DAAM2: variants seen among roughly 807,000 people sequenced by gnomAD.
The protein encoded by DAAM2 is disheveled-associated activator of morphogenesis 2.
A neutral mutation model predicts 120.7 loss-of-function variants in DAAM2; 39 were observed. The ratio of observed to expected loss-of-function variants is 0.32; its 90% CI spans 0.25 to 0.42. The LOEUF is 0.42. DAAM2 is among the 10% of genes least tolerant of loss of function. DAAM2 has a pLI of 1.00. For missense variants in DAAM2, 1,283 were observed against 1,401.7 expected (o/e 0.92, Z 1.35); for synonymous variants, 488 against 524.9 (o/e 0.93, Z 0.96).
rs1562045151 is a variant in DAAM2 at position 39,875,431 on chromosome 6, C to G, written c.1264C>G (p.Pro422Ala). ...GCGGGGTGTGGACCCTGACCTGGCT[C>G]CCTTGGAGAACTTCAATGTCAAGAA... ...DERGVDPDLAPLENFNVKNIV... is the reference protein window; with the variant it reads ...DERGVDPDLAALENFNVKNIV... Residue 422 changes from proline to alanine, a missense_variant, in exon 11 of 25, where the codon CCC (proline) becomes GCC (alanine). Physicochemically the swap from Pro to Ala is conservative, Grantham distance 27. This residue lies in a region of DAAM2 where 338 missense variants were observed against 443.9 expected (regional missense o/e 0.76). Coordinates refer to ENST00000274867, the MANE Select transcript of DAAM2 (RefSeq NM_001201427.2). The G allele has an allele frequency of 6.2e-7, 1 of 1,613,926 alleles. No individual in the cohort carries two copies.
chr6:39,879,694 T>C lies in DAAM2; in HGVS notation c.1845+217T>C, dbSNP rs575964706. 448 of 631,264 alleles carry C rather than the reference T, an allele frequency of 7.1e-4. 1 individual carries two copies. Among genetic ancestry groups the C allele is most frequent in the South Asian group, 2.1e-3 (113 of 54,274 alleles). 39.1% of individuals were successfully genotyped at this position (631,264 alleles called of 1,614,324 possible). On this transcript the variant is annotated intron_variant, in intron 14 of 24. Transcript: ENST00000274867. ...AGAGATGCTTGACATTGGGCAATGC[T>C]GACGTTGACAAAGTCATCTACAAAT...
At chr6:39,841,779 A>G (rs1007868324) in intron 1 of DAAM2, among the ~76,000 whole-genome samples, 1 of 152,126 alleles carries the variant, frequency 6.6e-6, no homozygotes, top group Non-Finnish European at 1.5e-5. Context: ...GACTGTTCTC[A>G]GGGCTTGAGG....
intron 1 of DAAM2, among the ~76,000 whole-genome samples, chr6:39,801,406 T>C (rs1561992598): frequency 6.6e-6 from 1 of 152,068 alleles, no homozygotes; most frequent in African/African-American, 2.4e-5. Flanking sequence ...GGAAGCATAA[T>C]GAGATGGCCT....
chr6:39,860,885 C>T, intron 2 of DAAM2, 43 bp from the exon 3 acceptor site: 3 of 1,492,402 alleles, frequency 2.0e-6, no homozygotes, highest in African/African-American at 2.8e-5. Flanking sequence ...CTAATCTCAA[C>T]CATCCCTAGT....
At chr6:39,841,420 G>A (rs560910161) in intron 1 of DAAM2, among the ~76,000 whole-genome samples, 138 of 151,906 alleles carry the variant, frequency 9.1e-4, no homozygotes, top group African/African-American at 3.0e-3. Flanking sequence ...GGTGGGGGAG[G>A]GCCTCCAGAG....
At chr6:39,820,551 T>C (rs1477447627) in intron 1 of DAAM2, 1 of 152,210 alleles carries the variant, frequency 6.6e-6, no homozygotes, top group Non-Finnish European at 1.5e-5. Context: ...GAGTGAGAGA[T>C]AGAAGGTGGG....
intron 1 of DAAM2, chr6:39,848,445 A>G (rs953798024): frequency 2.6e-5 from 4 of 152,144 alleles, no homozygotes; most frequent in African/African-American, 9.7e-5. Flanking sequence ...ATTTCTCAAA[A>G]TGAGAAAAAC....
intron 19 of DAAM2, among the ~76,000 whole-genome samples, chr6:39,892,036 A>C (rs1306349016): frequency 6.6e-6 from 1 of 152,184 alleles, no homozygotes; most frequent in Non-Finnish European, 1.5e-5. Context: ...CCACACCTAC[A>C]ACAGTGCCTG....
rs1481563399 is a variant in DAAM2, at chr6:39,871,515, C to T, written c.987C>T (p.Asp329=). 3.9e-6 allele frequency: 6 copies of T among 1,551,550 alleles called. No homozygotes were observed. Among genetic ancestry groups the T allele is most frequent in the Non-Finnish European group, 5.2e-6 (6 of 1,147,026 alleles). The change falls in exon 9 of 25, where the codon GAC becomes GAT. Residue 329 remains aspartate (D), a synonymous_variant. Transcript: ENST00000274867. ...HENAILDKHL[D]FFEMVRNEDD... is the part of the protein sequence containing the mutation. ...TCCCCATTCTGTCTAGACATTTAGA[C>T]TTCTTCGAGATGGTGCGGAATGAGG... is the stretch of plus-strand genomic sequence containing the variant.
Position 39,904,634 on chromosome 6 carries a change from G to T in DAAM2, c.*2597G>T, listed in dbSNP as rs945046220. 2 of 454,104 alleles carry T rather than the reference G, an allele frequency of 4.4e-6. No homozygotes were observed. Among genetic ancestry groups the T allele is most frequent in the Non-Finnish European group, 8.8e-6 (2 of 226,844 alleles). 28.1% of individuals were successfully genotyped at this position (454,104 alleles called of 1,614,324 possible). On this transcript the variant is annotated 3_prime_UTR_variant, in exon 25 of 25. Transcript: ENST00000274867. ...AAATTCTCCAGGTGAATGGGGAAGG[G>T]TCTGTTCCAGCCTCTCCCTACTCCC... is the stretch of plus-strand genomic sequence containing the variant.
rs565630899 is a variant in DAAM2 at position 39,840,435 on chromosome 6, G to C, written c.-56-15812G>C. Among the ~76,000 whole-genome samples, 6 of 152,308 alleles carry C rather than the reference G, an allele frequency of 3.9e-5. No individual in the cohort carries two copies. The East Asian group carries it at 9.6e-4, about 24-fold the overall frequency. ...GTACATATAAAATACCTGGCATATA[G>C]CAGTATTTAAGACAAAGGAAGAGTT... On this transcript the variant is annotated intron_variant, in intron 1 of 24. Coordinates refer to ENST00000274867, the MANE Select transcript of DAAM2 (RefSeq NM_001201427.2).
At position 39,901,246 on chromosome 6, in the gene DAAM2, C is replaced by A; in HGVS notation, c.2812-56C>A. 2 of 1,534,740 alleles carry A rather than the reference C, an allele frequency of 1.3e-6. No homozygotes were observed. The highest frequency in any genetic ancestry group is 2.4e-5 in the South Asian group (2 of 82,842). On this transcript the variant is annotated intron_variant, in intron 23 of 24. Coordinates refer to ENST00000274867, the MANE Select transcript of DAAM2 (RefSeq NM_001201427.2). This position sits in a 1 kb window ranked among gnomAD's most constrained non-coding sequence, Gnocchi z 4.5. The stretch of plus-strand genomic sequence containing the variant: ...GCTAGAACCCAGCTAACCTCAGGGG[C>A]TGAGCCCAGCATGCTCCAGGGCACT...
At chr6:39,831,798 G>C (rs114938516) in intron 1 of DAAM2, among the ~76,000 whole-genome samples, 6 of 62,858 alleles carry the variant, frequency 9.5e-5, no homozygotes, top group Non-Finnish European at 1.5e-4. Flanking sequence ...GGTGCACTGG[G>C]GGGGGGCAGG....
chr6:39,837,190 G>A (rs1031120844), intron 1 of DAAM2, among the ~76,000 whole-genome samples: 14 of 152,158 alleles, frequency 9.2e-5, no homozygotes, highest in African/African-American at 3.4e-4. Flanking sequence ...AGAAGTATGA[G>A]CTGGGCCTGT....
At position 39,867,706 on chromosome 6, in the gene DAAM2, C is replaced by A. The variant is rs375083979; in HGVS notation, c.625C>A (p.Arg209Ser). The change falls in exon 6 of 25, where the codon CGC becomes AGC. Residue 209 changes from arginine to serine, a missense_variant. By Grantham distance (110) the Arg-to-Ser change is moderately radical. Transcript: ENST00000274867. The stretch of plus-strand genomic sequence containing the variant: ...CATTAGTACCATAGCCCAGAGCCTA[C>A]GCACAGAGAACAGCAAGACCAAGGT... ...EAISTIAQSL[R>S]TENSKTKVAV... 1 of 1,613,940 alleles carries A rather than the reference C, an allele frequency of 6.2e-7. No homozygotes were observed. The highest frequency in any genetic ancestry group is 1.3e-5 in the African/African-American group (1 of 74,940).
chr6:39,875,629 A>C (rs539168083), intron 11 of DAAM2, among the ~76,000 whole-genome samples, 161 bp downstream of exon 11: 2 of 152,346 alleles, frequency 1.3e-5, no homozygotes. Flanking sequence ...TAATGAAAAA[A>C]GTGCATTTCT....
At chr6:39,845,166 C>T (rs373414967) in intron 1 of DAAM2, among the ~76,000 whole-genome samples, 1 of 149,434 alleles carries the variant, frequency 6.7e-6, no homozygotes, top group Non-Finnish European at 1.5e-5. Context: ...ACCACACATA[C>T]ACACACCACA....
chr6:39,891,675 A>G lies in DAAM2; in HGVS notation c.2294A>G (p.Lys765Arg). 6.2e-7 allele frequency: 1 copy of G among 1,611,136 alleles called. No individual in the cohort carries two copies. The highest frequency in any genetic ancestry group is 8.5e-7 in the Non-Finnish European group (1 of 1,178,690). Residue 765 changes from lysine (K) to arginine (R), a missense_variant, in exon 19 of 25, where the codon AAG becomes AGG. By Grantham distance (26) the Lys-to-Arg change is conservative. This residue lies in a region of DAAM2 where 748 missense variants were observed against 768.6 expected (regional missense o/e 0.97). Transcript: ENST00000274867. ...YQQRLQALFF[K>R]KKFQERLAEA... ...CAGCGACTGCAAGCCCTCTTCTTCA[A>G]GAAGAAATTCCAGGAGCGGCTGGCT...
At chr6:39,817,392 T>C (rs1762340803) in intron 1 of DAAM2, among the ~76,000 whole-genome samples, 1 of 152,214 alleles carries the variant, frequency 6.6e-6, no homozygotes, top group Admixed American at 6.5e-5. Context: ...TTCTTACTCA[T>C]GTTATCTGTC....
Sources: allele counts gnomAD v4.1 joint callset (sites outside exome capture counted in the v4.1 genomes callset), GRCh38; gene constraint gnomAD v4.1.1; regional missense constraint gnomAD v4.1.1; non-coding constraint Gnocchi (gnomAD v3.1); transcripts MANE v1.5; gene names NCBI Gene and HGNC (gene_info 2026-07-23, HGNC 2026-07-21).